Variants in TCEANC2 observed in about 807,000 individuals in gnomAD.
The protein encoded by TCEANC2 is transcription elongation factor A N-terminal and central domain-containing protein 2.
In TCEANC2, 20 loss-of-function variants were observed where a neutral mutation model predicts 22.8. That is an observed-to-expected ratio of 0.88 (90% CI 0.62 to 1.28). The LOEUF (loss-of-function observed/expected upper bound fraction) is 1.28, where lower values mean the gene tolerates loss of function less well. Among genes scored for constraint, TCEANC2 ranks in the 50% most tolerant of loss-of-function variants. The pLI is 0.00. For missense variants in TCEANC2, 251 were observed against 249.7 expected, an observed-to-expected ratio of 1.01 and a Z score of -0.03; for synonymous variants, 84 against 95.5, an observed-to-expected ratio of 0.88 and a Z score of 0.70.
At chr1:54,085,473 G>A (rs954526775) in intron 3 of TCEANC2, among the ~76,000 whole-genome samples, 3 of 151,746 alleles carry the variant, frequency 2.0e-5, no homozygotes, top group African/African-American at 7.3e-5. Flanking sequence ...GTCTGTTTGC[G>A]ACCTTCATTT....
At chr1:54,073,911 A>G (rs1054653233) in intron 3 of TCEANC2, among the ~76,000 whole-genome samples, 2 of 152,194 alleles carry the variant, frequency 1.3e-5, no homozygotes, top group African/African-American at 4.8e-5. Context: ...GATGTTGGGA[A>G]TGAAGATGAA....
At chr1:54,087,717 T>C (rs1183215680) in intron 3 of TCEANC2, among the ~76,000 whole-genome samples, 1 of 152,212 alleles carries the variant, frequency 6.6e-6, no homozygotes, top group Non-Finnish European at 1.5e-5. Context: ...TCTTTTAATC[T>C]ACAGCAGTCC....
At chr1:54,066,108 C>T (rs1657949817) in intron 2 of TCEANC2, among the ~76,000 whole-genome samples, 1 of 151,854 alleles carries the variant, frequency 6.6e-6, no homozygotes, top group African/African-American at 2.4e-5. Flanking sequence ...AAAAATTAGC[C>T]AGGCGTGGTG....
rs1023084285 is a variant in TCEANC2 at position 54,105,650 on chromosome 1, C to T, written c.*9177C>T. The T allele has an allele frequency of 2.8e-5, 3 of 108,436 alleles. No homozygotes were observed. The highest frequency in any genetic ancestry group is 2.6e-4 in the South Asian group (1 of 3,874). 6.7% of individuals were successfully genotyped at this position (108,436 alleles called of 1,614,324 possible). On this transcript the variant is annotated 3_prime_UTR_variant, in exon 5 of 5. Coordinates refer to ENST00000234827, the MANE Select transcript of TCEANC2 (RefSeq NM_153035.3). Reference sequence around the variant, plus strand: ...AGCAAACTTTTTTTTTTTTTCGAGACGGAGTCTCACTCCGTCACCAGGCTG... The same window carrying T: ...AGCAAACTTTTTTTTTTTTTCGAGATGGAGTCTCACTCCGTCACCAGGCTG...
chr1:54,090,156 G>A lies in TCEANC2; in HGVS notation c.438+1366G>A, dbSNP rs1305170876. 3.0e-5 allele frequency: 13 copies of A among 435,262 alleles called. No homozygotes were observed. The Admixed American group carries it at 3.1e-4, about 10-fold the overall frequency. 27.0% of individuals were successfully genotyped at this position (435,262 alleles called of 1,614,324 possible). A position where few individuals can be genotyped will look rare whatever the true frequency, so the allele number is the denominator to read the frequency against. On this transcript the variant is annotated intron_variant, in intron 4 of 4. Coordinates refer to ENST00000234827, the MANE Select transcript of TCEANC2 (RefSeq NM_153035.3). ...AAAAACAGCTCGTAGTTGATGCCAA[G>A]TTAAAGCACTGTGTACCCATTAAGA...
intron 3 of TCEANC2, among the ~76,000 whole-genome samples, chr1:54,071,350 T>A (rs1218826256): frequency 2.6e-5 from 4 of 152,214 alleles, no homozygotes; most frequent in African/African-American, 9.7e-5. Context: ...GCAGTCAAGC[T>A]GCTGGCTGGG....
At chr1:54,057,466 C>T (rs1488940818) in intron 2 of TCEANC2, among the ~76,000 whole-genome samples, 1 of 148,264 alleles carries the variant, frequency 6.7e-6, no homozygotes, top group Non-Finnish European at 1.5e-5. Flanking sequence ...GCTGGGATTA[C>T]AGGCATGAGC....
chr1:54,063,878 TA>T (rs1203843801), intron 2 of TCEANC2, among the ~76,000 whole-genome samples: 7 of 152,198 alleles, frequency 4.6e-5, no homozygotes, highest in Admixed American at 2.0e-4. Context: ...TCTATTTTTT[TA>T]AAAATACTTT....
At chr1:54,081,491 C>T (rs1431837564) in intron 3 of TCEANC2, among the ~76,000 whole-genome samples, 1 of 152,182 alleles carries the variant, frequency 6.6e-6, no homozygotes, top group African/African-American at 2.4e-5. Flanking sequence ...AAGCGATCCT[C>T]CTGCCTTGGC....
intron 3 of TCEANC2, among the ~76,000 whole-genome samples, chr1:54,074,210 T>G (rs927273594): frequency 1.2e-4 from 18 of 152,134 alleles, no homozygotes; most frequent in African/African-American, 4.1e-4. Flanking sequence ...AGGCCTGTAA[T>G]CTCAGCACTT....
chr1:54,088,837 T>C, intron 4 of TCEANC2, 47 bp downstream of exon 4: 1 of 1,370,184 alleles, frequency 7.3e-7, no homozygotes, highest in South Asian at 1.7e-5. Context: ...TAATAATTAA[T>C]TTTTAAAAGA....
At chr1:54,087,534 T>C (rs9651202) in intron 3 of TCEANC2, among the ~76,000 whole-genome samples, 79,772 of 152,108 alleles carry the variant, frequency 0.52, 24,092 homozygotes, top group African/African-American at 0.82. Flanking sequence ...TCTCTTGTAA[T>C]CACAGTGCCA....
At chr1:54,080,668 G>T (rs1398112026) in intron 3 of TCEANC2, among the ~76,000 whole-genome samples, 2 of 152,076 alleles carry the variant, frequency 1.3e-5, no homozygotes, top group Non-Finnish European at 2.9e-5. Flanking sequence ...GGATTTTCCG[G>T]GTCTTGTCTT....
At position 54,104,308 on chromosome 1, in the gene TCEANC2, C is replaced by G. The variant is rs77856585; in HGVS notation, c.*7835C>G. The stretch of plus-strand genomic sequence containing the variant: ...TTTGAGTCACAAAGGAGGAACACTT[C>G]CACTAAAAGAAACATCAAGATTACT... On this transcript the variant is annotated 3_prime_UTR_variant, in exon 5 of 5. Transcript: ENST00000234827. 2,443 of 185,804 alleles carry G rather than the reference C, an allele frequency of 0.013. 22 individuals carry two copies. Among genetic ancestry groups the G allele is most frequent in the Non-Finnish European group, 0.021 (1,833 of 86,224 alleles). The allele number at this position is 185,804 out of a possible 1,614,324, so 11.5% of individuals were successfully genotyped here.
chr1:54,054,140 C>G (rs2100347476), intron 1 of TCEANC2: 1 of 899,848 alleles, frequency 1.1e-6, no homozygotes, highest in East Asian at 3.1e-5. Flanking sequence ...GGAATCCTCG[C>G]TAGAGCGTGC....
intron 2 of TCEANC2, among the ~76,000 whole-genome samples, chr1:54,064,668 G>A (rs1025364530): frequency 6.7e-6 from 1 of 150,236 alleles, no homozygotes; most frequent in Non-Finnish European, 1.5e-5. Context: ...GCAAGCGACC[G>A]GTTTTGTTGG....
intron 2 of TCEANC2, among the ~76,000 whole-genome samples, chr1:54,059,937 T>G (rs550056189): frequency 5.1e-4 from 77 of 152,308 alleles, no homozygotes; most frequent in Non-Finnish European, 8.8e-5. Context: ...CAAACCCTCA[T>G]GAAACTTCCT....
In TCEANC2 at chr1:54,089,536, C is replaced by A. The variant is rs1433851273; in HGVS notation, c.438+746C>A. Among the ~76,000 whole-genome samples the A allele has an allele frequency of 2.0e-5, 3 of 152,106 alleles. No individual in the cohort carries two copies. In the East Asian group the frequency reaches 5.8e-4, roughly 29 times the overall value. Reference sequence around the variant, plus strand: ...GTCATCAAACAACAAATCTTATAAGCCGATTAATACTCTGGAAAATAGGAC... The same window carrying A: ...GTCATCAAACAACAAATCTTATAAGACGATTAATACTCTGGAAAATAGGAC... On this transcript the variant is annotated intron_variant, in intron 4 of 4. Transcript: ENST00000234827.
At chr1:54,060,832 C>T (rs534371148) in intron 2 of TCEANC2, among the ~76,000 whole-genome samples, 15 of 151,642 alleles carry the variant, frequency 9.9e-5, no homozygotes, top group East Asian at 9.8e-4. Context: ...CCTAGCTACT[C>T]GTGATTACAG....
Sources: gnomAD v4.1 joint callset for allele counts (sites outside exome capture counted in the v4.1 genomes callset) on GRCh38, gnomAD v4.1.1 for gene constraint, MANE v1.5 for transcripts, NCBI Gene and HGNC (gene_info 2026-07-23, HGNC 2026-07-21) for gene names.